HTT: variants seen among roughly 807,000 people sequenced by gnomAD.
HTT encodes the protein huntingtin.
In HTT, 104 loss-of-function variants were observed where a neutral mutation model predicts 362.3. The observed-to-expected ratio is 0.29, with a 90% CI of 0.24 to 0.34. The LOEUF (loss-of-function observed/expected upper bound fraction) is 0.34. Ranked by LOEUF, HTT falls within the 10% of genes least tolerant of loss-of-function variation. HTT has a pLI of 1.00. For synonymous variants in HTT, 1,577 were observed against 1,548.7 expected (o/e 1.02, Z -0.43); for missense variants, 3,301 against 3,928.6 (o/e 0.84, Z 4.27).
chr4:3,215,606 G>A (rs917980928), intron 51 of HTT, among the ~76,000 whole-genome samples: 37 of 152,012 alleles, frequency 2.4e-4, no homozygotes, highest in Non-Finnish European at 4.4e-5. Flanking sequence ...TTTGTTGAGT[G>A]ATAATGAATA....
intron 42 of HTT, 47 bp downstream of exon 42, chr4:3,204,195 G>A: frequency 1.2e-6 from 2 of 1,605,014 alleles, no homozygotes; most frequent in Non-Finnish European, 1.7e-6. Flanking sequence ...GTGGGGACCA[G>A]GAGAACATCC....
intron 1 of HTT, among the ~76,000 whole-genome samples, chr4:3,084,591 G>A (rs915438417): frequency 2.3e-4 from 35 of 151,998 alleles, no homozygotes; most frequent in African/African-American, 8.2e-4. Context: ...TTGGGAGGCT[G>A]AGGCAAGAGA....
Position 3,235,888 on chromosome 4 carries a change from G to A in HTT, c.8785+110G>A, listed in dbSNP as rs1010402165. The A allele has an allele frequency of 1.0e-5, 9 of 892,870 alleles. No homozygotes were observed. The Admixed American group carries it at 1.7e-4, about 17-fold the overall frequency. The allele number at this position is 892,870 out of a possible 1,614,324, so 55.3% of individuals were successfully genotyped here. ...AGGTGCCCTCTGATTTCACACTTCTGGTGTTGCCCCAAGCCGGCCCCATCA... is the reference window on the plus strand; with the variant it reads ...AGGTGCCCTCTGATTTCACACTTCTAGTGTTGCCCCAAGCCGGCCCCATCA... On this transcript the variant is annotated intron_variant, in intron 63 of 66. Transcript: ENST00000355072.
intron 60 of HTT, among the ~76,000 whole-genome samples, chr4:3,232,398 G>A (rs1721298451): frequency 6.6e-6 from 1 of 152,154 alleles, no homozygotes; most frequent in Non-Finnish European, 1.5e-5. Context: ...GCTGAAGGAG[G>A]GTGACATTCC....
At chr4:3,191,629 G>A (rs1399075889) in intron 40 of HTT, among the ~76,000 whole-genome samples, 1 of 152,164 alleles carries the variant, frequency 6.6e-6, no homozygotes, top group Non-Finnish European at 1.5e-5. Flanking sequence ...AGATAGAGGT[G>A]GGGAGTGGAA....
At chr4:3,087,760 G>A (rs1379188662) in intron 2 of HTT, among the ~76,000 whole-genome samples, 1 of 152,166 alleles carries the variant, frequency 6.6e-6, no homozygotes, top group Non-Finnish European at 1.5e-5. Flanking sequence ...TCTCCTGGTA[G>A]AAGCTAGAAA....
intron 29 of HTT, among the ~76,000 whole-genome samples, chr4:3,163,779 G>A (rs547738524): frequency 3.9e-5 from 6 of 151,926 alleles, no homozygotes; most frequent in East Asian, 3.9e-4. Context: ...CCCCTTTATC[G>A]TTTTTATTGA....
rs565501560 is a variant in HTT, at chr4:3,212,590, C to T, written c.6655C>T (p.Pro2219Ser). 1.9e-6 allele frequency: 3 copies of T among 1,614,234 alleles called. No homozygotes were observed. Among genetic ancestry groups the T allele is most frequent in the Admixed American group, 1.7e-5 (1 of 60,028 alleles). Reference protein sequence around the residue: ...FGDAALYQSLPTLARALAQYL... With the variant: ...FGDAALYQSLSTLARALAQYL... ...GGATGCTGCACTGTATCAGTCCCTG[C>T]CCACTCTGGCCCGGGCCCTGGCACA... The change falls in exon 49 of 67, where the codon CCC becomes TCC. Residue 2219 changes from proline (P) to serine (S), a missense_variant. Pro to Ser is a moderately conservative substitution (Grantham distance 74, BLOSUM62 -1). Transcript: ENST00000355072.
intron 35 of HTT, among the ~76,000 whole-genome samples, chr4:3,178,866 A>G (rs529119551): frequency 6.6e-6 from 1 of 152,304 alleles, no homozygotes; most frequent in African/African-American, 2.4e-5. Context: ...ATATAGTTTG[A>G]CTTGGGTTCA....
chr4:3,142,274 T>C (rs1301014616), intron 22 of HTT, among the ~76,000 whole-genome samples: 1 of 152,250 alleles, frequency 6.6e-6, no homozygotes, highest in Non-Finnish European at 1.5e-5. Context: ...CAAAATCAGA[T>C]TGGCTTTATT....
intron 66 of HTT, among the ~76,000 whole-genome samples, chr4:3,239,506 C>G (rs1016333373): frequency 2.0e-5 from 3 of 152,218 alleles, no homozygotes; most frequent in Admixed American, 6.5e-5. Flanking sequence ...CACAGCCTTG[C>G]CCGGCGTGCC....
intron 60 of HTT, among the ~76,000 whole-genome samples, chr4:3,231,634 G>C (rs1470440185): frequency 6.6e-6 from 1 of 150,388 alleles, no homozygotes. Context: ...TGCCATGCTG[G>C]TGACTCAGCA....
rs1367949999 is a variant in HTT at position 3,136,337 on chromosome 4, A to G, written c.2798+11A>G. On this transcript the variant is annotated intron_variant, in intron 21 of 66. Transcript: ENST00000355072. ...AGCATCACTAATTAGGTATTTACCA[A>G]TATTTTATCTCTTTTCCTTTTTTGG... The G allele has an allele frequency of 1.4e-6, 2 of 1,455,428 alleles. No individual in the cohort carries two copies. Among genetic ancestry groups the G allele is most frequent in the Middle Eastern group, 1.8e-4 (1 of 5,648 alleles). 90.2% of individuals were successfully genotyped at this position (1,455,428 alleles called of 1,614,324 possible).
intron 9 of HTT, chr4:3,121,671 G>A (rs1715303847): frequency 3.7e-6 from 1 of 268,442 alleles, no homozygotes; most frequent in Middle Eastern, 1.1e-3. Flanking sequence ...GAGACAACCT[G>A]GCCAAGTGAG....
At chr4:3,207,054 G>T in intron 44 of HTT, 71 bp downstream of exon 44, 1 of 1,434,274 alleles carries the variant, frequency 7.0e-7, no homozygotes, top group South Asian at 1.3e-5. Context: ...CAGGTGGCTG[G>T]CTTTTTCCTC....
intron 26 of HTT, among the ~76,000 whole-genome samples, chr4:3,148,569 G>A (rs558812494): frequency 1.2e-4 from 19 of 152,084 alleles, no homozygotes; most frequent in Admixed American, 7.2e-4. Flanking sequence ...AGGCCGAGGT[G>A]GGCGGATCAC....
Position 3,212,035 on chromosome 4 carries a change from C to T in HTT, c.6521C>T (p.Ala2174Val). The T allele has an allele frequency of 1.9e-6, 3 of 1,614,184 alleles. No individual in the cohort carries two copies. Among genetic ancestry groups the T allele is most frequent in the East Asian group, 2.2e-5 (1 of 44,888 alleles). ...LFEAAREVTL[A>V]RVSGTVQQLP... ...GAAGCAGCCCGTGAGGTGACTCTGG[C>T]CCGTGTGAGCGGCACCGTGCAGCAG... is the stretch of plus-strand genomic sequence containing the variant. The change falls in exon 48 of 67, where the codon GCC (alanine) becomes GTC (valine). Residue 2174 changes from alanine to valine, a missense_variant. Around this residue, in one of 4 missense-constraint regions of HTT, gnomAD observed 2,316 missense variants for 2,658.5 expected, o/e 0.87. Coordinates refer to ENST00000355072, the MANE Select transcript of HTT (RefSeq NM_001388492.1).
chr4:3,221,387 T>C (rs1355218333), intron 53 of HTT, among the ~76,000 whole-genome samples: 1 of 152,232 alleles, frequency 6.6e-6, no homozygotes, highest in African/African-American at 2.4e-5. Context: ...GCACCTTTGC[T>C]TACTTGGGTG....
intron 9 of HTT, 181 bp downstream of exon 9, chr4:3,121,613 C>T (rs763971169): frequency 7.3e-5 from 38 of 523,298 alleles, no homozygotes; most frequent in Admixed American, 1.0e-4. Context: ...TGGTGGCTCA[C>T]GCCTGTAATT....
Sources: allele counts gnomAD v4.1 joint callset (sites outside exome capture counted in the v4.1 genomes callset), GRCh38; gene constraint gnomAD v4.1.1; regional missense constraint gnomAD v4.1.1; transcripts MANE v1.5; gene names NCBI Gene and HGNC (gene_info 2026-07-23, HGNC 2026-07-21).